Variants in NUSAP1 observed in about 807,000 individuals in gnomAD.
NUSAP1 encodes nucleolar and spindle-associated protein 1.
A neutral mutation model predicts 52.8 loss-of-function variants in NUSAP1; 32 were observed. The ratio of observed to expected loss-of-function variants is 0.61; its 90% CI spans 0.46 to 0.81. The LOEUF is 0.81. Among genes scored for constraint, NUSAP1 ranks in the 40% least tolerant of loss-of-function variants. The pLI is 0.00. For synonymous variants in NUSAP1, 195 were observed against 183.1 expected, an observed-to-expected ratio of 1.06 and a Z score of -0.52; for missense variants, 499 against 522.3, an observed-to-expected ratio of 0.96 and a Z score of 0.43.
chr15:41,365,412 T>C lies in NUSAP1; in HGVS notation c.671T>C (p.Ile224Thr). The C allele has an allele frequency of 1.2e-6, 2 of 1,605,790 alleles. No individual in the cohort carries two copies. The highest frequency in any genetic ancestry group is 1.7e-6 in the Non-Finnish European group (2 of 1,174,814). Residue 224 changes from isoleucine (I) to threonine (T), a missense_variant, in exon 7 of 11, where the codon ATC (isoleucine) becomes ACC (threonine). Physicochemically the swap from Ile to Thr is moderately conservative, Grantham distance 89 (BLOSUM62 -1). Transcript: ENST00000559596. ...GCATTTTCTCTTCAGCAGCAGCCCATCAATAAGGGAGGGGTCAGGACTCCA... is the reference window on the plus strand; with the variant it reads ...GCATTTTCTCTTCAGCAGCAGCCCACCAATAAGGGAGGGGTCAGGACTCCA... ...NSMNELKQQP[I>T]NKGGVRTPVP...
At chr15:41,341,263 AC>A (rs1013351496) in intron 1 of NUSAP1, among the ~76,000 whole-genome samples, 49 of 152,052 alleles carry the variant, frequency 3.2e-4, no homozygotes, top group African/African-American at 1.1e-3. Flanking sequence ...ACGGGGTTTC[AC>A]CATGTTGGCC....
chr15:41,378,944 GTTTTTTTTTTTTTT>G (rs1187469450), intron 10 of NUSAP1, among the ~76,000 whole-genome samples: 4 of 63,262 alleles, frequency 6.3e-5, no homozygotes, highest in Non-Finnish European at 8.2e-5. Context: ...ACTTATCTTG[GTTTTTTTTTTTTTT>G]TTTTTTTTTT....
chr15:41,345,519 A>G (rs1435401603), intron 2 of NUSAP1: 2 of 409,030 alleles, frequency 4.9e-6, no homozygotes, highest in Non-Finnish European at 9.4e-6. Context: ...GAGTGCAATG[A>G]CACGATCTCG....
rs1432593781 is a variant in NUSAP1, at chr15:41,369,886, T to G, written c.849-1641T>G. On this transcript the variant is annotated intron_variant, in intron 7 of 10. Transcript: ENST00000559596. ...TTCAAGACCAGCCTGGCCAACATAGTGAAACCCCGTCTCTGCTAAAAATAC... is the reference window on the plus strand; with the variant it reads ...TTCAAGACCAGCCTGGCCAACATAGGGAAACCCCGTCTCTGCTAAAAATAC... Among the ~76,000 whole-genome samples, 3 of 150,066 alleles carry G rather than the reference T, an allele frequency of 2.0e-5. No homozygotes were observed. In the East Asian group the frequency reaches 5.9e-4, roughly 30 times the overall value.
At chr15:41,377,818 A>G (rs551487230) in intron 10 of NUSAP1, among the ~76,000 whole-genome samples, 82 of 142,886 alleles carry the variant, frequency 5.7e-4, no homozygotes, top group South Asian at 2.3e-3. Context: ...TGGCTAACGC[A>G]TTGAAACCCC....
chr15:41,342,317 C>G, intron 1 of NUSAP1, 69 bp from the exon 2 acceptor site: 1 of 1,080,128 alleles, frequency 9.3e-7, no homozygotes, highest in Non-Finnish European at 1.4e-6. Context: ...ACAAGAACAG[C>G]AAAAAATATT....
chr15:41,358,543 C>G (rs985480883), intron 6 of NUSAP1, among the ~76,000 whole-genome samples: 5 of 152,158 alleles, frequency 3.3e-5, no homozygotes, highest in African/African-American at 1.2e-4. Context: ...TCAAGGCCAG[C>G]CTGGGCAACA....
chr15:41,353,431 C>G (rs913758750), intron 4 of NUSAP1, among the ~76,000 whole-genome samples: 2 of 152,144 alleles, frequency 1.3e-5, no homozygotes, highest in East Asian at 3.8e-4. Flanking sequence ...CGTGAGCCAC[C>G]AAACCCTGCC....
At chr15:41,341,519 C>T (rs1014699525) in intron 1 of NUSAP1, among the ~76,000 whole-genome samples, 1 of 152,200 alleles carries the variant, frequency 6.6e-6, no homozygotes, top group Non-Finnish European at 1.5e-5. Context: ...AAGACCCCGT[C>T]ACCTTTTGCA....
intron 1 of NUSAP1, among the ~76,000 whole-genome samples, chr15:41,340,302 C>T (rs929287829): frequency 1.3e-5 from 2 of 152,118 alleles, no homozygotes; most frequent in African/African-American, 4.8e-5. Context: ...TCTCGGGAGG[C>T]CTTTCCCAGC....
intron 1 of NUSAP1, among the ~76,000 whole-genome samples, chr15:41,339,339 A>G (rs139940055): frequency 1.2e-3 from 175 of 152,144 alleles, no homozygotes; most frequent in African/African-American, 4.1e-3. Flanking sequence ...GAGAAACCAA[A>G]TATGAGACAA....
At chr15:41,348,806 T>C (rs977462972) in intron 2 of NUSAP1, among the ~76,000 whole-genome samples, 4 of 151,874 alleles carry the variant, frequency 2.6e-5, no homozygotes, top group Non-Finnish European at 5.9e-5. Flanking sequence ...GCCCGGGTAA[T>C]TTTCTATTTT....
Position 41,369,985 on chromosome 15 carries a change from C to T in NUSAP1, c.849-1542C>T, listed in dbSNP as rs181421853. Among the ~76,000 whole-genome samples the T allele has an allele frequency of 2.7e-5, 4 of 150,230 alleles. No homozygotes were observed. In the East Asian group the frequency reaches 7.9e-4, roughly 30 times the overall value. The stretch of plus-strand genomic sequence containing the variant: ...TGGGAGGCTGAGGCAAGAAGAATTG[C>T]TTGAACCTGGGAGCCAGAGGTTGCA... On this transcript the variant is annotated intron_variant, in intron 7 of 10. Transcript: ENST00000559596.
Position 41,336,799 on chromosome 15 carries a change from A to G in NUSAP1, c.93+3749A>G, listed in dbSNP as rs569087941. On this transcript the variant is annotated intron_variant, in intron 1 of 10. Coordinates refer to ENST00000559596, the MANE Select transcript of NUSAP1 (RefSeq NM_016359.5). ...GTAGCTGGGATTACAGGCACGTGCC[A>G]CCACACCTGGCCCATTTTCTTCTTA... Among the ~76,000 whole-genome samples the G allele has an allele frequency of 2.4e-4, 36 of 149,720 alleles. 1 individual carries two copies. In the South Asian group the frequency reaches 7.4e-3, roughly 31 times the overall value.
chr15:41,369,381 C>T (rs1022909089), intron 7 of NUSAP1, among the ~76,000 whole-genome samples: 2 of 152,084 alleles, frequency 1.3e-5, no homozygotes, highest in African/African-American at 4.8e-5. Flanking sequence ...GGTGCGGTGG[C>T]TCACACCTGT....
At chr15:41,378,295 G>A (rs1443563472) in intron 10 of NUSAP1, among the ~76,000 whole-genome samples, 2 of 152,134 alleles carry the variant, frequency 1.3e-5, no homozygotes, top group Non-Finnish European at 2.9e-5. Flanking sequence ...AAGGCGTCAA[G>A]GCCCTATAAA....
At chr15:41,339,736 C>A (rs1356289059) in intron 1 of NUSAP1, among the ~76,000 whole-genome samples, 1 of 150,842 alleles carries the variant, frequency 6.6e-6, no homozygotes, top group East Asian at 2.0e-4. Flanking sequence ...ATAGGCCTGA[C>A]TTTTTTTCTA....
intron 1 of NUSAP1, among the ~76,000 whole-genome samples, chr15:41,337,931 C>CTTTTTTTTTTTTT (rs757341496): frequency 6.9e-4 from 77 of 110,946 alleles, no homozygotes; most frequent in Middle Eastern, 5.0e-3. Flanking sequence ...TTTCTTTTTT[C>CTTTTTTTTTTTTT]TTTTTTTTTT....
Position 41,358,217 on chromosome 15 carries a change from AAG to A in NUSAP1, c.621_622del (p.Lys208ThrfsTer3), listed in dbSNP as rs1457255848. Reference protein sequence around the residue: ...ESIDQYIERKKKHFEEHNSMN... With the variant: ...ESIDQYIERKXKHFEEHNSMN... The stretch of plus-strand genomic sequence containing the variant: ...CATTGATCAATATATTGAGAGAAAA[AAG>A]AAACATTTTGAAGAACACAATTCCA... On this transcript the variant is annotated frameshift_variant, in exon 6 of 11. Coordinates refer to ENST00000559596, the MANE Select transcript of NUSAP1 (RefSeq NM_016359.5). LOFTEE classifies it high-confidence loss of function. 3.8e-6 allele frequency: 6 copies of A among 1,573,808 alleles called. No individual in the cohort carries two copies. In the Admixed American group the frequency reaches 7.0e-5, roughly 18 times the overall value.
Sources: gnomAD v4.1 joint callset for allele counts (sites outside exome capture counted in the v4.1 genomes callset) on GRCh38, gnomAD v4.1.1 for gene constraint, MANE v1.5 for transcripts, NCBI Gene and HGNC (gene_info 2026-07-23, HGNC 2026-07-21) for gene names.